The following NPAS3 variants were observed in gnomAD, a reference collection of about 807,000 sequenced individuals.
NPAS3 encodes neuronal PAS domain-containing protein 3.
Under a neutral mutation model 73.1 loss-of-function variants are expected in NPAS3, and 14 were observed. The observed-to-expected ratio is 0.19, with a 90% CI of 0.13 to 0.30. The LOEUF (loss-of-function observed/expected upper bound fraction) is 0.30, where lower values mean the gene tolerates loss of function less well. NPAS3 is among the 10% of genes least tolerant of loss of function. NPAS3 has a pLI of 1.00. For missense variants in NPAS3, 1,096 were observed against 1,250.0 expected, an observed-to-expected ratio of 0.88 and a Z score of 1.86; for synonymous variants, 620 against 541.5, an observed-to-expected ratio of 1.14 and a Z score of -2.01.
chr14:32,938,485 T>TAGAGAGAGAG (rs1491191135), upstream of NPAS3, among the ~76,000 whole-genome samples: 328 of 21,752 alleles, frequency 0.015, 29 homozygotes, highest in Middle Eastern at 0.029. Flanking sequence ...GAGAGAGAAA[T>TAGAGAGAGAG]TGAGAGAGAG....
At chr14:33,050,422 C>T (rs1321332375) in intron 1 of NPAS3, among the ~76,000 whole-genome samples, 1 of 152,172 alleles carries the variant, frequency 6.6e-6, no homozygotes, top group Non-Finnish European at 1.5e-5. Flanking sequence ...TCTGGAGGAT[C>T]TAGTTCCTTC....
intron 2 of NPAS3, among the ~76,000 whole-genome samples, chr14:33,063,070 A>T (rs1959182): frequency 0.29 from 44,002 of 152,062 alleles, 6,755 homozygotes; most frequent in Middle Eastern, 0.38. Context: ...CTAGCCCCAC[A>T]ATTATCTGTT....
chr14:33,119,186 T>C (rs1434475666), intron 2 of NPAS3, among the ~76,000 whole-genome samples: 3 of 152,110 alleles, frequency 2.0e-5, no homozygotes, highest in Admixed American at 6.6e-5. Flanking sequence ...ATAAATTACA[T>C]GAAAATGTAG....
At chr14:33,479,260 T>G (rs960777988) in intron 4 of NPAS3, among the ~76,000 whole-genome samples, 6 of 152,180 alleles carry the variant, frequency 3.9e-5, no homozygotes, top group Non-Finnish European at 8.8e-5. Flanking sequence ...GCATGTTGCC[T>G]GCACTTACAG....
At chr14:33,115,306 A>G (rs2043025700) in intron 2 of NPAS3, among the ~76,000 whole-genome samples, 4 of 152,136 alleles carry the variant, frequency 2.6e-5, no homozygotes, top group African/African-American at 9.6e-5. Context: ...TTAAGGAAGT[A>G]AGGATTAGGA....
intron 3 of NPAS3, among the ~76,000 whole-genome samples, chr14:33,328,301 A>G (rs192578669): frequency 3.7e-4 from 56 of 151,454 alleles, no homozygotes; most frequent in African/African-American, 1.2e-3. Flanking sequence ...TAATATTTGT[A>G]TCTTTTTAAT....
At chr14:33,481,074 G>C (rs1351497262) in intron 4 of NPAS3, among the ~76,000 whole-genome samples, 1 of 152,068 alleles carries the variant, frequency 6.6e-6, no homozygotes, top group African/African-American at 2.4e-5. Flanking sequence ...CCTTCAGCAG[G>C]GGTCTAATAA....
intron 4 of NPAS3, among the ~76,000 whole-genome samples, chr14:33,552,193 G>C (rs1010980920): frequency 7.9e-5 from 12 of 152,276 alleles, no homozygotes; most frequent in East Asian, 5.8e-4. Flanking sequence ...AGACTCACTC[G>C]TGTGGAAAGA....
chr14:33,197,267 G>GTGTGTGTCTGTGTT (rs1555353807), intron 2 of NPAS3, among the ~76,000 whole-genome samples: 3 of 148,722 alleles, frequency 2.0e-5, no homozygotes, highest in Non-Finnish European at 4.4e-5. Context: ...GTGTGTGTGT[G>GTGTGTGTCTGTGTT]TTCTTTTTCA....
At chr14:33,496,286 C>T (rs1218423843) in intron 4 of NPAS3, among the ~76,000 whole-genome samples, 1 of 152,100 alleles carries the variant, frequency 6.6e-6, no homozygotes, top group Non-Finnish European at 1.5e-5. Context: ...GGAGCTGGTA[C>T]CATTCCTTCT....
Position 33,231,980 on chromosome 14 carries a change from T to C in NPAS3, c.385+16554T>C, listed in dbSNP as rs552394476. Among the ~76,000 whole-genome samples the C allele has an allele frequency of 2.2e-4, 33 of 152,322 alleles. No individual in the cohort carries two copies. In the South Asian group the frequency reaches 6.4e-3, roughly 30 times the overall value. ...ATAAATGCTTATCTATTACAATTCA[T>C]GTAGATAGTCCTATAGAGAGAATTG... is the stretch of plus-strand genomic sequence containing the variant. On this transcript the variant is annotated intron_variant, in intron 3 of 11. Coordinates refer to ENST00000356141, the Ensembl canonical transcript of NPAS3.
chr14:33,315,044 CTG>C (rs1298654863), intron 3 of NPAS3, among the ~76,000 whole-genome samples: 17 of 152,110 alleles, frequency 1.1e-4, no homozygotes, highest in African/African-American at 4.1e-4. Flanking sequence ...TAATAATTAT[CTG>C]TGTAAATACT....
At chr14:33,030,021 G>A (rs975726288) in intron 1 of NPAS3, among the ~76,000 whole-genome samples, 1 of 152,144 alleles carries the variant, frequency 6.6e-6, no homozygotes, top group Non-Finnish European at 1.5e-5. Context: ...ACCTCCCTTT[G>A]GCAATGCTTA....
At chr14:33,237,575 T>A (rs2048077286) in intron 3 of NPAS3, among the ~76,000 whole-genome samples, 1 of 152,046 alleles carries the variant, frequency 6.6e-6, no homozygotes, top group South Asian at 2.1e-4. Flanking sequence ...GCCCATAGGC[T>A]TTGCATAACT....
intron 3 of NPAS3, among the ~76,000 whole-genome samples, chr14:33,269,331 G>A (rs1430395119): frequency 6.6e-6 from 1 of 152,120 alleles, no homozygotes; most frequent in African/African-American, 2.4e-5. Flanking sequence ...TGAGAAAGCA[G>A]AGGCATGGAG....
chr14:33,591,578 G>A (rs2139945619), intron 5 of NPAS3, among the ~76,000 whole-genome samples: 1 of 152,296 alleles, frequency 6.6e-6, no homozygotes, highest in Non-Finnish European at 1.5e-5. Context: ...CTCAGGTAGT[G>A]TTCTAGGCCT....
intron 2 of NPAS3, among the ~76,000 whole-genome samples, chr14:33,092,876 C>T (rs1595431222): frequency 1.3e-5 from 2 of 152,158 alleles, no homozygotes; most frequent in African/African-American, 4.8e-5. Context: ...GGAAAAGATT[C>T]CCTATTTAAT....
intron 1 of NPAS3, among the ~76,000 whole-genome samples, chr14:32,986,207 G>C (rs2038090996): frequency 6.6e-6 from 1 of 152,166 alleles, no homozygotes; most frequent in African/African-American, 2.4e-5. Flanking sequence ...TATGAAAACT[G>C]GTTCCATTTC....
At chr14:33,067,952 T>C (rs2041337014) in intron 2 of NPAS3, among the ~76,000 whole-genome samples, 1 of 152,212 alleles carries the variant, frequency 6.6e-6, no homozygotes, top group Admixed American at 6.5e-5. Context: ...TATTTTCTTT[T>C]AAAACTTCCC....
Sources: gnomAD v4.1 joint callset for allele counts (sites outside exome capture counted in the v4.1 genomes callset) on GRCh38, gnomAD v4.1.1 for gene constraint, MANE v1.5 for transcripts, NCBI Gene and HGNC (gene_info 2026-07-23, HGNC 2026-07-21) for gene names.